LRRTM4: variants seen among roughly 807,000 people sequenced by gnomAD.
The protein encoded by LRRTM4 is leucine-rich repeat transmembrane neuronal protein 4.
Under a neutral mutation model 47.6 loss-of-function variants are expected in LRRTM4, and 25 were observed. The ratio of observed to expected loss-of-function variants is 0.53; its 90% confidence interval spans 0.38 to 0.73. The LOEUF (loss-of-function observed/expected upper bound fraction) is 0.73, where lower values mean the gene tolerates loss of function less well. LRRTM4 is among the 30% of genes least tolerant of loss of function. The pLI is 0.00. For missense variants in LRRTM4, 638 were observed against 713.4 expected (o/e 0.89, Z 1.20); for synonymous variants, 311 against 269.5 (o/e 1.15, Z -1.51).
At chr2:77,285,833 A>G (rs888175328) in intron 3 of LRRTM4, among the ~76,000 whole-genome samples, 3 of 152,122 alleles carry the variant, frequency 2.0e-5, no homozygotes, top group Admixed American at 2.0e-4. Flanking sequence ...AAATTTTACC[A>G]TTATGATATA....
At chr2:77,258,567 T>A (rs904459447) in intron 3 of LRRTM4, among the ~76,000 whole-genome samples, 4 of 151,936 alleles carry the variant, frequency 2.6e-5, no homozygotes, top group African/African-American at 9.7e-5. Flanking sequence ...TTCCTGTGAA[T>A]CTGTAATTAT....
intron 3 of LRRTM4, among the ~76,000 whole-genome samples, chr2:77,124,882 C>T (rs916354996): frequency 2.0e-5 from 3 of 152,010 alleles, no homozygotes; most frequent in East Asian, 1.9e-4. Context: ...TGTGGTCCCA[C>T]GTGCACTGCA....
At chr2:77,329,024 G>A (rs1440233784) in intron 3 of LRRTM4, among the ~76,000 whole-genome samples, 1 of 152,180 alleles carries the variant, frequency 6.6e-6, no homozygotes, top group Non-Finnish European at 1.5e-5. Context: ...AGGATTTCAT[G>A]CGTCTTGTCC....
In LRRTM4 at chr2:77,519,759, T is replaced by G; in HGVS notation, c.110A>C (p.Asn37Thr). 6.2e-7 allele frequency: 1 copy of G among 1,613,244 alleles called. No individual in the cohort carries two copies. Among genetic ancestry groups the G allele is most frequent in the African/African-American group, 1.3e-5 (1 of 74,946 alleles). The change falls in exon 3 of 4, where the codon AAC becomes ACC. Residue 37 changes from asparagine to threonine, a missense_variant. Physicochemically the swap from Asn to Thr is moderately conservative, Grantham distance 65. Transcript: ENST00000409884. This position sits in a 1 kb window ranked among gnomAD's most constrained non-coding sequence, Gnocchi z 4.6. Reference sequence around the variant, plus strand: ...CACAATTTTGCCATCACATCTGCAGTTCTTTGGGCAAGCTCTCTGAGCACC... The same window carrying G: ...CACAATTTTGCCATCACATCTGCAGGTCTTTGGGCAAGCTCTCTGAGCACC... Reference protein sequence around the residue: ...LTGAQRACPKNCRCDGKIVYC... With the variant: ...LTGAQRACPKTCRCDGKIVYC...
chr2:76,825,560 T>C (rs1671168899), intron 3 of LRRTM4, among the ~76,000 whole-genome samples: 1 of 151,770 alleles, frequency 6.6e-6, no homozygotes, highest in East Asian at 1.9e-4. Flanking sequence ...GTGATAGCTA[T>C]GGAAGCAAGT....
chr2:76,907,755 A>C (rs1389187688), intron 3 of LRRTM4, among the ~76,000 whole-genome samples: 26 of 126,524 alleles, frequency 2.1e-4, no homozygotes, highest in Non-Finnish European at 3.7e-4. Context: ...GAAATGGATA[A>C]ATTCCTCGAC....
intron 3 of LRRTM4, among the ~76,000 whole-genome samples, chr2:77,090,179 A>G (rs1670560344): frequency 6.6e-6 from 1 of 152,124 alleles, no homozygotes. Context: ...TTCCGTGACT[A>G]GCCCTCCCCG....
intron 3 of LRRTM4, among the ~76,000 whole-genome samples, chr2:77,123,531 A>G (rs1186731983): frequency 3.9e-5 from 6 of 152,132 alleles, no homozygotes; most frequent in Non-Finnish European, 2.9e-5. Context: ...TAAAATAGCA[A>G]AGATTCATAA....
At chr2:76,874,171 A>G (rs762962655) in intron 3 of LRRTM4, among the ~76,000 whole-genome samples, 1 of 151,840 alleles carries the variant, frequency 6.6e-6, no homozygotes, top group Non-Finnish European at 1.5e-5. Flanking sequence ...CATTCCTCCA[A>G]TCACTCTGTG....
At chr2:77,071,336 G>C (rs1044754534) in intron 3 of LRRTM4, among the ~76,000 whole-genome samples, 2 of 151,934 alleles carry the variant, frequency 1.3e-5, no homozygotes, top group African/African-American at 4.8e-5. Context: ...TTTTGTTATG[G>C]TTATCCAGAG....
intron 3 of LRRTM4, among the ~76,000 whole-genome samples, chr2:77,311,109 T>C (rs1019900891): frequency 4.6e-5 from 7 of 152,050 alleles, no homozygotes; most frequent in African/African-American, 1.2e-4. Flanking sequence ...AGTAGGAATG[T>C]GGTAATGTAT....
intron 3 of LRRTM4, among the ~76,000 whole-genome samples, chr2:77,419,753 G>A (rs1234412427): frequency 1.3e-5 from 2 of 151,958 alleles, no homozygotes; most frequent in Non-Finnish European, 2.9e-5. Flanking sequence ...TAATAAACTT[G>A]GGTGGGGTTT....
chr2:77,488,046 T>G (rs1677989477), intron 3 of LRRTM4, among the ~76,000 whole-genome samples: 1 of 152,080 alleles, frequency 6.6e-6, no homozygotes. Flanking sequence ...AAAACGGGGC[T>G]GAAACAGACC....
intron 3 of LRRTM4, among the ~76,000 whole-genome samples, chr2:76,925,455 T>C (rs775412832): frequency 3.3e-5 from 5 of 152,150 alleles, no homozygotes; most frequent in Non-Finnish European, 2.9e-5. Flanking sequence ...AAGCTCTGTC[T>C]GGCTTTCTGA....
Position 77,322,227 on chromosome 2 carries a change from G to A in LRRTM4, c.1551+196091C>T, listed in dbSNP as rs115049325. ...AATAGATTTTTCTGATGGTTTGGGA[G>A]ATGGGTAGATGAGGAAGAATATGAC... On this transcript the variant is annotated intron_variant, in intron 3 of 3. Transcript: ENST00000409884. 8.4e-3 allele frequency among the ~76,000 whole-genome samples: 1,282 copies of A among 152,200 alleles called. 16 individuals are homozygous for A. Among genetic ancestry groups the A allele is most frequent in the African/African-American group, 0.027 (1,111 of 41,552 alleles).
intron 3 of LRRTM4, among the ~76,000 whole-genome samples, chr2:77,063,483 G>A (rs7570003): frequency 0.41 from 62,833 of 151,756 alleles, 15,815 homozygotes; most frequent in African/African-American, 0.69. Context: ...TTTTGGGAAG[G>A]AAATACATGA....
intron 3 of LRRTM4, among the ~76,000 whole-genome samples, chr2:77,075,407 G>T (rs1469481492): frequency 6.6e-6 from 1 of 152,026 alleles, no homozygotes; most frequent in Non-Finnish European, 1.5e-5. Flanking sequence ...TAAAACCTTG[G>T]CTTTATATGT....
At chr2:76,967,965 GT>G (rs1676083899) in intron 3 of LRRTM4, among the ~76,000 whole-genome samples, 1 of 151,228 alleles carries the variant, frequency 6.6e-6, no homozygotes, top group Non-Finnish European at 1.5e-5. Context: ...ATTACAGTTG[GT>G]TGGCAAATAT....
At chr2:76,898,777 T>C (rs866022291) in intron 3 of LRRTM4, among the ~76,000 whole-genome samples, 35 of 151,134 alleles carry the variant, frequency 2.3e-4, no homozygotes, top group African/African-American at 8.0e-4. Context: ...ATATAAAATA[T>C]AGTCACTATA....
Sources: allele counts gnomAD v4.1 joint callset (sites outside exome capture counted in the v4.1 genomes callset), GRCh38; gene constraint gnomAD v4.1.1; non-coding constraint Gnocchi (gnomAD v3.1); transcripts MANE v1.5; gene names NCBI Gene and HGNC (gene_info 2026-07-23, HGNC 2026-07-21).